The following NSD2 variants were observed in gnomAD, a reference collection of about 807,000 sequenced individuals.
NSD2 encodes the protein histone-lysine N-methyltransferase NSD2.
NSD2 carries 12 observed loss-of-function variants against 139.0 expected under a neutral mutation model. The ratio of observed to expected loss-of-function variants is 0.09; its 90% confidence interval spans 0.06 to 0.14. The LOEUF is 0.14. Among genes scored for constraint, NSD2 ranks in the 10% least tolerant of loss-of-function variants. The pLI, the probability that NSD2 is intolerant of heterozygous loss-of-function variation, is 1.00. For missense variants in NSD2, 1,155 were observed against 1,745.0 expected (o/e 0.66, Z 6.02); for synonymous variants, 669 against 648.7 (o/e 1.03, Z -0.48).
chr4:1,923,262 G>T (rs1285694946), intron 5 of NSD2, among the ~76,000 whole-genome samples: 1 of 150,710 alleles, frequency 6.6e-6, no homozygotes, highest in Non-Finnish European at 1.5e-5. Context: ...GCTGAAGCGG[G>T]AGGATTGCTT....
rs561459225 is a variant in NSD2, at chr4:1,912,270, A to G, written c.761-4601A>G. The G allele has an allele frequency of 2.8e-5, 5 of 179,270 alleles. No individual in the cohort carries two copies. In the South Asian group the frequency reaches 4.9e-4, roughly 18 times the overall value. The allele number at this position is 179,270 out of a possible 1,614,324, so 11.1% of individuals were successfully genotyped here. A position where few individuals can be genotyped will look rare whatever the true frequency, so the allele number is the denominator to read the frequency against. ...TTTCTCATGTAGACATTTTCTGTTA[A>G]CTTTCTATCATGGAAAATGAAGATT... On this transcript the variant is annotated intron_variant, in intron 3 of 21. Transcript: ENST00000508803.
chr4:1,981,852 G>C lies in NSD2; in HGVS notation c.*2943G>C, dbSNP rs1727797343. On this transcript the variant is annotated 3_prime_UTR_variant, in exon 22 of 22. Transcript: ENST00000508803. ...CTATGAGTGTAGTTGATGACTGTTT[G>C]TTAGTCAGTAGAGTAAAATGCTGTG... is the stretch of plus-strand genomic sequence containing the variant. 1 of 398,516 alleles carries C rather than the reference G, an allele frequency of 2.5e-6. No individual in the cohort carries two copies. Among genetic ancestry groups the C allele is most frequent in the African/African-American group, 2.1e-5 (1 of 48,624 alleles). 24.7% of individuals were successfully genotyped at this position (398,516 alleles called of 1,614,324 possible).
intron 1 of NSD2, among the ~76,000 whole-genome samples, chr4:1,885,210 C>A (rs1714998713): frequency 6.6e-6 from 1 of 152,140 alleles, no homozygotes; most frequent in Non-Finnish European, 1.5e-5. Flanking sequence ...CCTTTTTAGG[C>A]TGAATGCATG....
intron 3 of NSD2, among the ~76,000 whole-genome samples, chr4:1,916,327 TTTC>T (rs1719391333): frequency 6.6e-6 from 1 of 152,178 alleles, no homozygotes; most frequent in Non-Finnish European, 1.5e-5. Context: ...AGCTAGCTTT[TTTC>T]TTTTTCTTTT....
chr4:1,906,047 A>G (rs926969312), intron 3 of NSD2, among the ~76,000 whole-genome samples: 2 of 152,054 alleles, frequency 1.3e-5, no homozygotes, highest in African/African-American at 4.8e-5. Flanking sequence ...CATAGTCTCC[A>G]CACAGCAAAC....
chr4:1,966,918 TTAATA>T (rs1031817799), intron 18 of NSD2, among the ~76,000 whole-genome samples: 3 of 152,062 alleles, frequency 2.0e-5, no homozygotes, highest in Non-Finnish European at 2.9e-5. Context: ...GAAGTTAAAC[TTAATA>T]TAATCAAGTT....
intron 5 of NSD2, among the ~76,000 whole-genome samples, chr4:1,928,085 T>C (rs1457606160): frequency 1.3e-5 from 2 of 151,934 alleles, no homozygotes; most frequent in South Asian, 2.1e-4. Flanking sequence ...TTTTTTTTTT[T>C]TCAAACACGA....
chr4:1,916,622 G>A (rs1347476879), intron 3 of NSD2, among the ~76,000 whole-genome samples: 2 of 152,230 alleles, frequency 1.3e-5, no homozygotes, highest in Admixed American at 6.5e-5. Flanking sequence ...GATTACAGGC[G>A]TGAGGGACTG....
chr4:1,922,007 G>A (rs1006820579), intron 5 of NSD2, among the ~76,000 whole-genome samples: 2 of 151,936 alleles, frequency 1.3e-5, no homozygotes, highest in Non-Finnish European at 2.9e-5. Context: ...AATTAGCCAG[G>A]CGTGGTGATG....
Position 1,956,303 on chromosome 4 carries a change from T to TTA in NSD2, c.2881+115_2881+116insTA. ...AAAATACTGGACTAAGCATTCAATC[T>TTA]GTTTTTTTAAATTAGGAAAATGTTT... On this transcript the variant is annotated intron_variant, in intron 15 of 21. Coordinates refer to ENST00000508803, the MANE Select transcript of NSD2 (RefSeq NM_001042424.3). The surrounding 1 kb of genome is among the most constrained non-coding windows in gnomAD (Gnocchi z 5.3). The TTA allele has an allele frequency of 1.1e-6, 1 of 942,508 alleles. No homozygotes were observed. The highest frequency in any genetic ancestry group is 1.5e-6 in the Non-Finnish European group (1 of 671,572). The allele number at this position is 942,508 out of a possible 1,614,324, so 58.4% of individuals were successfully genotyped here.
At position 1,981,730 on chromosome 4, in the gene NSD2, A is replaced by G. The variant is rs1447225941; in HGVS notation, c.*2821A>G. 2.8e-5 allele frequency: 11 copies of G among 396,812 alleles called. No homozygotes were observed. The highest frequency in any genetic ancestry group is 1.1e-4 in the East Asian group (3 of 28,050). The allele number at this position is 396,812 out of a possible 1,614,324, so 24.6% of individuals were successfully genotyped here. A position where few individuals can be genotyped will look rare whatever the true frequency, so the allele number is the denominator to read the frequency against. ...TTGACATCTAAACCCCGGCGTGTGC[A>G]GTGCCCATCTTCCAGGACTACCTTA... On this transcript the variant is annotated 3_prime_UTR_variant, in exon 22 of 22. Coordinates refer to ENST00000508803, the MANE Select transcript of NSD2 (RefSeq NM_001042424.3).
chr4:1,942,303 G>T lies in NSD2; in HGVS notation c.1881+2525G>T. The T allele has an allele frequency of 6.2e-7, 1 of 1,610,294 alleles. No individual in the cohort carries two copies. The highest frequency in any genetic ancestry group is 8.5e-7 in the Non-Finnish European group (1 of 1,178,938). On this transcript the variant is annotated intron_variant, in intron 9 of 21. Transcript: ENST00000508803. The surrounding 1 kb of genome is among the most constrained non-coding windows in gnomAD (Gnocchi z 4.0). ...CTTCATTTTTTATTCCTTTAGTAGAGCAAATTCTTATTTTTTTCGCCTTCA... is the reference window on the plus strand; with the variant it reads ...CTTCATTTTTTATTCCTTTAGTAGATCAAATTCTTATTTTTTTCGCCTTCA...
chr4:1,884,938 GTC>G (rs1376960833), intron 1 of NSD2, among the ~76,000 whole-genome samples: 1 of 151,486 alleles, frequency 6.6e-6, no homozygotes, highest in African/African-American at 2.4e-5. Flanking sequence ...GAGAAACCCT[GTC>G]TCTACTAAAA....
At chr4:1,905,229 G>A (rs1577401128) in intron 3 of NSD2, among the ~76,000 whole-genome samples, 1 of 152,334 alleles carries the variant, frequency 6.6e-6, no homozygotes, top group South Asian at 2.1e-4. Context: ...AGATAATGTG[G>A]TTTGAGGTTT....
chr4:1,981,900 C>T lies in NSD2; in HGVS notation c.*2991C>T. The T allele has an allele frequency of 2.5e-6, 1 of 398,618 alleles. No individual in the cohort carries two copies. Among genetic ancestry groups the T allele is most frequent in the East Asian group, 3.6e-5 (1 of 28,088 alleles). 24.7% of individuals were successfully genotyped at this position (398,618 alleles called of 1,614,324 possible). On this transcript the variant is annotated 3_prime_UTR_variant, in exon 22 of 22. Coordinates refer to ENST00000508803, the MANE Select transcript of NSD2 (RefSeq NM_001042424.3). ...GTGTCCACGGGGTGTCACAGCCTCA[C>T]CATACCCTGTTGAGGTGTGAAATGC...
rs57548242 is a variant in NSD2 at position 1,924,748 on chromosome 4, C to CAA, written c.1411-5868_1411-5867dup. Among the ~76,000 whole-genome samples, 102 of 130,434 alleles carry CAA rather than the reference C, an allele frequency of 7.8e-4. 1 individual carries two copies. The highest frequency in any genetic ancestry group is 2.2e-3 in the African/African-American group (78 of 35,478). 85.6% of individuals were successfully genotyped at this position (130,434 alleles called of 152,430 possible). ...CAACACAGTGAGACTCTCATCTCTA[C>CAA]AAAAAAAAAAACAAAACAAAACAAG... On this transcript the variant is annotated intron_variant, in intron 5 of 21. Coordinates refer to ENST00000508803, the MANE Select transcript of NSD2 (RefSeq NM_001042424.3).
At position 1,974,759 on chromosome 4, in the gene NSD2, CA is replaced by C; in HGVS notation, c.3373-102del. On this transcript the variant is annotated intron_variant, in intron 18 of 21. Coordinates refer to ENST00000508803, the MANE Select transcript of NSD2 (RefSeq NM_001042424.3). This position sits in a 1 kb window ranked among gnomAD's most constrained non-coding sequence, Gnocchi z 4.0. Reference sequence around the variant, plus strand: ...CAGGACACCACGGTTTTCAGTACAACAAGGAACACAACTTGTTCAATGTGCT... The same window carrying C: ...CAGGACACCACGGTTTTCAGTACAACAGGAACACAACTTGTTCAATGTGCT... 5 of 1,529,780 alleles carry C rather than the reference CA, an allele frequency of 3.3e-6. No individual in the cohort carries two copies. Among genetic ancestry groups the C allele is most frequent in the Non-Finnish European group, 4.5e-6 (5 of 1,109,334 alleles). 94.8% of individuals were successfully genotyped at this position (1,529,780 alleles called of 1,614,324 possible). A position where few individuals can be genotyped will look rare whatever the true frequency, so the allele number is the denominator to read the frequency against.
At chr4:1,939,307 CTTTATG>C (rs1338399308) in intron 8 of NSD2, 36 of 269,102 alleles carry the variant, frequency 1.3e-4, no homozygotes, top group Admixed American at 1.1e-3. Flanking sequence ...ATATGTAAGA[CTTTATG>C]TTTAGAGATT....
intron 1 of NSD2, among the ~76,000 whole-genome samples, chr4:1,893,346 T>G (rs1388792490): frequency 1.3e-5 from 2 of 152,154 alleles, no homozygotes; most frequent in African/African-American, 4.8e-5. Context: ...GATGCATGCC[T>G]GTAGTCTCAG....
Sources: gnomAD v4.1 joint callset for allele counts (sites outside exome capture counted in the v4.1 genomes callset) on GRCh38, gnomAD v4.1.1 for gene constraint, Gnocchi (gnomAD v3.1) non-coding constraint, MANE v1.5 for transcripts, NCBI Gene and HGNC (gene_info 2026-07-23, HGNC 2026-07-21) for gene names.